DENND4C: variants seen among roughly 807,000 people sequenced by gnomAD.
DENND4C encodes the protein DENN domain containing 4C.
DENND4C carries 108 observed loss-of-function variants against 203.0 expected under a neutral mutation model. The observed-to-expected ratio is 0.53, with a 90% CI of 0.46 to 0.62. The LOEUF (loss-of-function observed/expected upper bound fraction) is 0.62, where lower values mean the gene tolerates loss of function less well. Among genes scored for constraint, DENND4C ranks in the 20% least tolerant of loss-of-function variants. The pLI is 0.00. For missense variants in DENND4C, 2,481 were observed against 2,301.2 expected (o/e 1.08, Z -1.60); for synonymous variants, 871 against 792.4 (o/e 1.10, Z -1.67).
chr9:19,236,489 A>T (rs1309656914), intron 1 of DENND4C, among the ~76,000 whole-genome samples: 1 of 152,248 alleles, frequency 6.6e-6, no homozygotes, highest in Non-Finnish European at 1.5e-5. Flanking sequence ...AGGCTGTGTC[A>T]TGAAGGGTCT....
At chr9:19,295,985 A>G (rs1338353008) in intron 5 of DENND4C, 23 bp from the exon 6 acceptor site, 2 of 1,532,380 alleles carry the variant, frequency 1.3e-6, no homozygotes, top group Non-Finnish European at 8.9e-7. Context: ...CAAATCTTAT[A>G]ACAGAATTCT....
chr9:19,274,222 G>C (rs1832371233), intron 1 of DENND4C, among the ~76,000 whole-genome samples: 1 of 151,850 alleles, frequency 6.6e-6, no homozygotes, highest in Non-Finnish European at 1.5e-5. Flanking sequence ...ATGATAGGAA[G>C]CTGATAACTT....
intron 1 of DENND4C, among the ~76,000 whole-genome samples, chr9:19,237,831 A>T (rs1350472177): frequency 6.6e-6 from 1 of 152,222 alleles, no homozygotes; most frequent in Non-Finnish European, 1.5e-5. Context: ...ACACTAAAAA[A>T]GTAGCGATAA....
intron 5 of DENND4C, 75 bp downstream of exon 5, chr9:19,290,951 T>G: frequency 7.1e-7 from 1 of 1,403,024 alleles, no homozygotes; most frequent in Middle Eastern, 1.8e-4. Context: ...ACAAGTTTTA[T>G]TTGAATGTTA....
chr9:19,292,093 C>A (rs928921029), intron 5 of DENND4C, among the ~76,000 whole-genome samples: 1 of 151,674 alleles, frequency 6.6e-6, no homozygotes, highest in Non-Finnish European at 1.5e-5. Flanking sequence ...GGTGCGATCT[C>A]GGCTCACTGC....
rs766499857 is a variant in DENND4C at position 19,336,278 on chromosome 9, G to A, written c.2598G>A (p.Leu866=). ...CCTTATTTTACCTTTAGGTAGTCTT[G>A]GAGAGCCCGTGGCCTAGCAGTACCC... ...ITYGYYNKVV[L]ESPWPSSTRS... Residue 866 remains leucine, a synonymous_variant, in exon 19 of 33, where the codon TTG becomes TTA. Coordinates refer to ENST00000434457, the MANE Select transcript of DENND4C (RefSeq NM_001330640.2). The A allele has an allele frequency of 1.6e-5, 26 of 1,611,404 alleles. No individual in the cohort carries two copies. In the Admixed American group the frequency reaches 3.9e-4, roughly 24 times the overall value.
intron 1 of DENND4C, among the ~76,000 whole-genome samples, chr9:19,272,484 C>T (rs1281974331): frequency 1.3e-5 from 2 of 152,016 alleles, no homozygotes; most frequent in Admixed American, 6.6e-5. Flanking sequence ...AACTACTGGA[C>T]TTAAGCAATC....
At chr9:19,285,576 CTT>C (rs61396893) in intron 2 of DENND4C, among the ~76,000 whole-genome samples, 5 of 135,824 alleles carry the variant, frequency 3.7e-5, no homozygotes, top group Admixed American at 1.5e-4. Flanking sequence ...GTCTTTGTGA[CTT>C]TTTTTTTTTT....
intron 24 of DENND4C, among the ~76,000 whole-genome samples, chr9:19,351,801 C>A (rs1824189913): frequency 7.0e-6 from 1 of 143,224 alleles, no homozygotes; most frequent in Non-Finnish European, 1.5e-5. Flanking sequence ...AGCGAGACTC[C>A]ATCTAAAAAA....
At position 19,298,105 on chromosome 9, in the gene DENND4C, C is replaced by T. The variant is rs922574020; in HGVS notation, c.1090C>T (p.Pro364Ser). The change falls in exon 7 of 33, where the codon CCG becomes TCG. Residue 364 changes from proline (P) to serine (S), a missense_variant. Around this residue, in one of 3 missense-constraint regions of DENND4C, gnomAD observed 2,289 missense variants for 2,113.3 expected, o/e 1.08. Transcript: ENST00000434457. ...CATCCCTTTTCCTTCACCACAAAGACCGAGAATCCTTGTCCAGGTAATCAA... is the reference window on the plus strand; with the variant it reads ...CATCCCTTTTCCTTCACCACAAAGATCGAGAATCCTTGTCCAGGTAATCAA... ...QNIPFPSPQRPRILVQLSVHD... is the reference protein window; with the variant it reads ...QNIPFPSPQRSRILVQLSVHD... 2 of 1,609,822 alleles carry T rather than the reference C, an allele frequency of 1.2e-6. No individual in the cohort carries two copies. The highest frequency in any genetic ancestry group is 1.7e-6 in the Non-Finnish European group (2 of 1,177,946).
chr9:19,313,511 G>C (rs1486806622), intron 10 of DENND4C, among the ~76,000 whole-genome samples: 2 of 152,174 alleles, frequency 1.3e-5, no homozygotes, highest in Non-Finnish European at 2.9e-5. Context: ...TATTTTATTT[G>C]GGGGTGGGGT....
In DENND4C at chr9:19,324,518, G is replaced by A; in HGVS notation, c.1953+11G>A. 6.3e-7 allele frequency: 1 copy of A among 1,598,570 alleles called. No homozygotes were observed. The highest frequency in any genetic ancestry group is 1.1e-5 in the South Asian group (1 of 88,068). ...GACTGCATAGAAAAGGTAAAAGTTT[G>A]TACTTATACTAGTGTTTAGAAAAAA... is the stretch of plus-strand genomic sequence containing the variant. On this transcript the variant is annotated intron_variant, in intron 13 of 32. Transcript: ENST00000434457.
At chr9:19,295,429 C>T (rs1274320573) in intron 5 of DENND4C, among the ~76,000 whole-genome samples, 1 of 151,852 alleles carries the variant, frequency 6.6e-6, no homozygotes, top group African/African-American at 2.4e-5. Context: ...GGCGTGAACC[C>T]AGGAGGTGGA....
At chr9:19,302,754 GCATTCTGGCCTTAC>G (rs1427514742) in intron 9 of DENND4C, among the ~76,000 whole-genome samples, 2 of 152,162 alleles carry the variant, frequency 1.3e-5, no homozygotes, top group Non-Finnish European at 2.9e-5. Flanking sequence ...CTCTTCTCCA[GCATTCTGGCCTTAC>G]CATCCCGGGA....
chr9:19,275,387 G>T (rs572555669), intron 1 of DENND4C, among the ~76,000 whole-genome samples: 3 of 151,302 alleles, frequency 2.0e-5, no homozygotes, highest in African/African-American at 7.3e-5. Flanking sequence ...CCGCCTTCCG[G>T]GGTCGAGCGA....
intron 1 of DENND4C, among the ~76,000 whole-genome samples, chr9:19,244,830 C>T (rs960203164): frequency 5.3e-5 from 8 of 151,858 alleles, no homozygotes; most frequent in Admixed American, 2.6e-4. Flanking sequence ...AGTACAGTTT[C>T]GTTCTCCCCA....
At chr9:19,230,913 G>C (rs1036842522) in intron 1 of DENND4C, 80 bp downstream of exon 1, 2 of 152,362 alleles carry the variant, frequency 1.3e-5, no homozygotes, top group African/African-American at 4.8e-5. Flanking sequence ...GGCTGGGAGG[G>C]CGCGGGACAG....
chr9:19,328,657 GTCTA>G (rs60484849), intron 16 of DENND4C, among the ~76,000 whole-genome samples: 3,142 of 119,338 alleles, frequency 0.026, 40 homozygotes, highest in African/African-American at 0.047. Flanking sequence ...CTGTCTGTCT[GTCTA>G]TCTATCTATC....
chr9:19,245,641 A>C (rs955351098), intron 1 of DENND4C, among the ~76,000 whole-genome samples: 22 of 151,784 alleles, frequency 1.4e-4, no homozygotes, highest in African/African-American at 5.1e-4. Context: ...TGGATCACGA[A>C]GTCAGGGGTT....
Sources: gnomAD v4.1 joint callset for allele counts (sites outside exome capture counted in the v4.1 genomes callset) on GRCh38, gnomAD v4.1.1 for gene constraint, gnomAD v4.1.1 regional missense constraint, MANE v1.5 for transcripts, NCBI Gene and HGNC (gene_info 2026-07-23, HGNC 2026-07-21) for gene names.